Variants in BANK1 observed in about 807,000 individuals in gnomAD.
The protein encoded by BANK1 is B cell scaffold protein with ankyrin repeats 1, also known as B-cell scaffold protein with ankyrin repeats.
Under a neutral mutation model 94.5 loss-of-function variants are expected in BANK1, and 95 were observed. The observed-to-expected ratio is 1.00, with a 90% CI of 0.85 to 1.19. BANK1 has a LOEUF of 1.19. Ranked by LOEUF, BANK1 falls within the 50% of genes most tolerant of loss-of-function variation. The pLI, the probability that BANK1 is intolerant of heterozygous loss-of-function variation, is 0.00. For missense variants in BANK1, 987 were observed against 932.2 expected, an observed-to-expected ratio of 1.06 and a Z score of -0.77; for synonymous variants, 334 against 308.4, an observed-to-expected ratio of 1.08 and a Z score of -0.87.
At chr4:101,900,300 C>G (rs1722233583) in intron 6 of BANK1, among the ~76,000 whole-genome samples, 1 of 151,996 alleles carries the variant, frequency 6.6e-6, no homozygotes, top group South Asian at 2.1e-4. Context: ...AAGACCATTG[C>G]AAATAGTGAT....
At chr4:102,013,450 C>T (rs916743476) in intron 7 of BANK1, among the ~76,000 whole-genome samples, 2 of 151,922 alleles carry the variant, frequency 1.3e-5, no homozygotes, top group African/African-American at 2.4e-5. Context: ...GGAATTAAAC[C>T]GCTTGTAGAA....
At chr4:102,073,484 A>G (rs1728822155) in intron 15 of BANK1, among the ~76,000 whole-genome samples, 200 bp from the exon 16 acceptor site, 2 of 152,048 alleles carry the variant, frequency 1.3e-5, no homozygotes, top group Admixed American at 6.6e-5. Context: ...AGAAAATTTG[A>G]ATTCAAGGAC....
At chr4:101,822,335 G>A (rs1201272452) in intron 1 of BANK1, among the ~76,000 whole-genome samples, 1 of 151,526 alleles carries the variant, frequency 6.6e-6, no homozygotes, top group African/African-American at 2.4e-5. Flanking sequence ...TCACGCCACT[G>A]CACTCCAGCC....
chr4:101,902,601 G>T (rs544953550), intron 6 of BANK1, among the ~76,000 whole-genome samples: 1 of 152,242 alleles, frequency 6.6e-6, no homozygotes, highest in Admixed American at 6.5e-5. Context: ...AAAGGTCTGT[G>T]CTGTTGTTCT....
intron 10 of BANK1, among the ~76,000 whole-genome samples, chr4:102,042,904 T>C (rs1727749898): frequency 6.6e-6 from 1 of 152,008 alleles, no homozygotes; most frequent in Non-Finnish European, 1.5e-5. Flanking sequence ...ACGCAATAGA[T>C]TGAAGTTCAA....
At chr4:101,909,470 A>G (rs1722583346) in intron 6 of BANK1, among the ~76,000 whole-genome samples, 2 of 152,194 alleles carry the variant, frequency 1.3e-5, no homozygotes, top group Admixed American at 6.5e-5. Context: ...GCAGCACACC[A>G]ACATGGCACA....
intron 1 of BANK1, among the ~76,000 whole-genome samples, chr4:101,810,278 A>T (rs958789494): frequency 6.6e-6 from 1 of 152,228 alleles, no homozygotes; most frequent in Non-Finnish European, 1.5e-5. Context: ...TAACTTTCAG[A>T]ACTGTAAGAT....
intron 3 of BANK1, among the ~76,000 whole-genome samples, chr4:101,861,607 T>A (rs1727878717): frequency 6.6e-6 from 1 of 152,142 alleles, no homozygotes; most frequent in Non-Finnish European, 1.5e-5. Flanking sequence ...TAATTCTGTA[T>A]ATTAGTTGTC....
rs201776101 is a variant in BANK1, at chr4:102,029,396, GA to G, written c.1595-554del. Among the ~76,000 whole-genome samples the G allele has an allele frequency of 4.9e-3, 721 of 146,526 alleles. 3 individuals carry two copies. The highest frequency in any genetic ancestry group is 7.2e-3 in the Non-Finnish European group (476 of 66,408). On this transcript the variant is annotated intron_variant, in intron 9 of 16. Transcript: ENST00000322953. ...TATGAAACATGAAACAACTTCAAAT[GA>G]AAAAAAAAATCTAAGAATATTATGC...
chr4:102,018,104 A>C (rs1418905477), intron 7 of BANK1, among the ~76,000 whole-genome samples: 1 of 152,198 alleles, frequency 6.6e-6, no homozygotes, highest in African/African-American at 2.4e-5. Flanking sequence ...GTGCCCTTCA[A>C]GTTTTGTTTT....
At chr4:101,928,459 A>G (rs979173466) in intron 7 of BANK1, among the ~76,000 whole-genome samples, 3 of 151,778 alleles carry the variant, frequency 2.0e-5, no homozygotes, top group Admixed American at 2.0e-4. Context: ...AGGTCCATTC[A>G]TAGTGAAAAA....
chr4:102,054,985 AT>A (rs1464550705), intron 11 of BANK1, among the ~76,000 whole-genome samples: 2 of 152,062 alleles, frequency 1.3e-5, no homozygotes, highest in Non-Finnish European at 2.9e-5. Context: ...CCAGAGTGGT[AT>A]ATTTTTAACT....
chr4:101,989,453 A>AAC (rs1725626251), intron 7 of BANK1, among the ~76,000 whole-genome samples: 1 of 150,210 alleles, frequency 6.7e-6, no homozygotes, highest in Non-Finnish European at 1.5e-5. Flanking sequence ...AAAAAAAAAA[A>AAC]GCTTTTCTTG....
intron 4 of BANK1, among the ~76,000 whole-genome samples, chr4:101,864,184 A>G (rs1727983935): frequency 6.6e-6 from 1 of 152,176 alleles, no homozygotes; most frequent in Non-Finnish European, 1.5e-5. Flanking sequence ...CAACTGTTGT[A>G]TTCTTTAAAT....
At chr4:101,818,295 C>T (rs35388091) in intron 1 of BANK1, among the ~76,000 whole-genome samples, 49,947 of 151,754 alleles carry the variant, frequency 0.33, 8,571 homozygotes, top group African/African-American at 0.44. Flanking sequence ...GATCAATATC[C>T]GTTTATAGTT....
In BANK1 at chr4:101,885,196, C is replaced by T. The variant is rs375288344; in HGVS notation, c.904-10109C>T. Among the ~76,000 whole-genome samples the T allele has an allele frequency of 2.0e-5, 3 of 152,316 alleles. No individual in the cohort carries two copies. In the South Asian group the frequency reaches 6.2e-4, roughly 32 times the overall value. Reference sequence around the variant, plus strand: ...CTTCCCAAAGTGCTGGGATTACAGGCGTGAGCCACCGCACCCAGCCTGGGA... The same window carrying T: ...CTTCCCAAAGTGCTGGGATTACAGGTGTGAGCCACCGCACCCAGCCTGGGA... On this transcript the variant is annotated intron_variant, in intron 5 of 16. Transcript: ENST00000322953.
chr4:101,885,569 GTGAATCCTTCCCTCAT>G (rs1728821270), intron 5 of BANK1, among the ~76,000 whole-genome samples: 1 of 152,064 alleles, frequency 6.6e-6, no homozygotes, highest in African/African-American at 2.4e-5. Flanking sequence ...CTCTTCCTCA[GTGAATCCTTCCCTCAT>G]CTTATACAAC....
At chr4:101,830,265 A>C in intron 2 of BANK1, 59 bp downstream of exon 2, 2 of 1,361,952 alleles carry the variant, frequency 1.5e-6, no homozygotes, top group Non-Finnish European at 1.9e-6. Flanking sequence ...TTTGTAATTA[A>C]AGAATTGCAA....
At chr4:101,973,933 A>G (rs948056866) in intron 7 of BANK1, among the ~76,000 whole-genome samples, 3 of 152,098 alleles carry the variant, frequency 2.0e-5, no homozygotes, top group African/African-American at 7.2e-5. Context: ...TGCTCTGTTA[A>G]AAAGTGATAT....
Sources: gnomAD v4.1 joint callset for allele counts (sites outside exome capture counted in the v4.1 genomes callset) on GRCh38, gnomAD v4.1.1 for gene constraint, MANE v1.5 for transcripts, NCBI Gene and HGNC (gene_info 2026-07-23, HGNC 2026-07-21) for gene names.